EMCN: variants seen among roughly 807,000 people sequenced by gnomAD.
EMCN encodes endomucin.
Under a neutral mutation model 38.4 loss-of-function variants are expected in EMCN, and 37 were observed. The observed-to-expected ratio is 0.96, with a 90% confidence interval of 0.74 to 1.27. EMCN has a LOEUF of 1.27. Among genes scored for constraint, EMCN ranks in the 50% most tolerant of loss-of-function variants. The pLI is 0.00. For missense variants in EMCN, 318 were observed against 302.8 expected, an observed-to-expected ratio of 1.05 and a Z score of -0.37; for synonymous variants, 95 against 100.8, an observed-to-expected ratio of 0.94 and a Z score of 0.35.
At chr4:100,414,525 A>G (rs1228584600) in intron 10 of EMCN, among the ~76,000 whole-genome samples, 1 of 151,938 alleles carries the variant, frequency 6.6e-6, no homozygotes, top group Non-Finnish European at 1.5e-5. Context: ...GAGAGAAAGT[A>G]TAGTATGGGA....
chr4:100,504,312 G>T (rs910916822), intron 1 of EMCN, among the ~76,000 whole-genome samples: 1 of 152,208 alleles, frequency 6.6e-6, no homozygotes, highest in African/African-American at 2.4e-5. Flanking sequence ...ATGCCTTGAT[G>T]TAGGATCGGG....
chr4:100,463,536 A>C (rs970914316), intron 4 of EMCN, among the ~76,000 whole-genome samples: 6 of 152,182 alleles, frequency 3.9e-5, no homozygotes, highest in African/African-American at 1.2e-4. Context: ...TCATTTTAAG[A>C]ATACAAGTAA....
At chr4:100,458,918 G>A (rs1728091632) in intron 4 of EMCN, among the ~76,000 whole-genome samples, 2 of 151,938 alleles carry the variant, frequency 1.3e-5, no homozygotes, top group Admixed American at 6.6e-5. Context: ...TAAACATTTA[G>A]CCTTCCCCTG....
At chr4:100,516,170 A>G (rs546960639) in intron 1 of EMCN, among the ~76,000 whole-genome samples, 1 of 152,140 alleles carries the variant, frequency 6.6e-6, no homozygotes, top group South Asian at 2.1e-4. Flanking sequence ...GCTCATTACC[A>G]GTGAGCAAAA....
intron 1 of EMCN, among the ~76,000 whole-genome samples, chr4:100,484,309 C>T (rs1291580668): frequency 2.0e-5 from 3 of 152,072 alleles, no homozygotes; most frequent in Middle Eastern, 3.2e-3. Flanking sequence ...TAGTTGGAAA[C>T]TAAATATATT....
At chr4:100,505,732 C>G (rs3775364) in intron 1 of EMCN, among the ~76,000 whole-genome samples, 31,562 of 152,032 alleles carry the variant, frequency 0.21, 3,465 homozygotes, top group Middle Eastern at 0.31. Flanking sequence ...CCTCTCACTC[C>G]TCCCTTACTC....
At chr4:100,445,802 T>C (rs1727654682) in intron 5 of EMCN, among the ~76,000 whole-genome samples, 2 of 152,206 alleles carry the variant, frequency 1.3e-5, no homozygotes, top group African/African-American at 4.8e-5. Context: ...ATTTAGTCTT[T>C]AGCTGCAATT....
At chr4:100,406,873 A>T (rs1349293189) in intron 11 of EMCN, among the ~76,000 whole-genome samples, 2 of 152,096 alleles carry the variant, frequency 1.3e-5, no homozygotes, top group Admixed American at 6.6e-5. Flanking sequence ...GTCTCTTTGT[A>T]AGACTAAAAG....
At chr4:100,416,735 A>C (rs2110214023) in intron 9 of EMCN, among the ~76,000 whole-genome samples, 2 of 152,318 alleles carry the variant, frequency 1.3e-5, no homozygotes, top group South Asian at 4.1e-4. Context: ...GTCAAAGTAA[A>C]ACAGCCATCT....
chr4:100,452,087 G>A (rs1727853921), intron 4 of EMCN, among the ~76,000 whole-genome samples: 1 of 151,890 alleles, frequency 6.6e-6, no homozygotes, highest in Non-Finnish European at 1.5e-5. Context: ...TGATTGAAGT[G>A]CCAAATTTTT....
chr4:100,432,335 C>G (rs750502488), intron 5 of EMCN, among the ~76,000 whole-genome samples: 5 of 152,062 alleles, frequency 3.3e-5, no homozygotes, highest in Non-Finnish European at 7.4e-5. Flanking sequence ...AAAAATTACT[C>G]TATCCTCTGA....
At chr4:100,468,502 T>C (rs1227736186) in intron 3 of EMCN, among the ~76,000 whole-genome samples, 1 of 152,148 alleles carries the variant, frequency 6.6e-6, no homozygotes, top group Non-Finnish European at 1.5e-5. Context: ...TACAGCATTG[T>C]TTTATCTGAT....
rs1205559627 is a variant in EMCN at position 100,410,314 on chromosome 4, C to T, written c.*7G>A. The T allele has an allele frequency of 1.2e-6, 2 of 1,613,488 alleles. No individual in the cohort carries two copies. On this transcript the variant is annotated 3_prime_UTR_variant, in exon 11 of 12. Coordinates refer to ENST00000296420, the MANE Select transcript of EMCN (RefSeq NM_016242.4). ...TTGCCTAGGTGTGGAGAGAATTCCT[C>T]AAGCTGTCAGTTCTTGGTTTTTCCT... is the stretch of plus-strand genomic sequence containing the variant.
At chr4:100,455,299 C>A (rs1560622242) in intron 4 of EMCN, among the ~76,000 whole-genome samples, 1 of 152,022 alleles carries the variant, frequency 6.6e-6, no homozygotes, top group Non-Finnish European at 1.5e-5. Flanking sequence ...TATCTTTAAA[C>A]AATAAATTGT....
chr4:100,515,025 T>C (rs1427204507), intron 1 of EMCN, among the ~76,000 whole-genome samples: 4 of 152,104 alleles, frequency 2.6e-5, no homozygotes, highest in Non-Finnish European at 5.9e-5. Flanking sequence ...TCTTTCTTTT[T>C]CATGAAATTG....
chr4:100,413,389 T>A (rs1726620816), intron 10 of EMCN, among the ~76,000 whole-genome samples: 1 of 152,106 alleles, frequency 6.6e-6, no homozygotes, highest in Admixed American at 6.6e-5. Context: ...TACTTATTTT[T>A]TAGGAAAGAT....
chr4:100,502,557 T>C (rs1306308430), intron 1 of EMCN, among the ~76,000 whole-genome samples: 1 of 152,240 alleles, frequency 6.6e-6, no homozygotes, highest in Non-Finnish European at 1.5e-5. Context: ...TTTTGATTTT[T>C]TCTTTCCAAT....
At chr4:100,465,651 G>T in intron 3 of EMCN, 112 bp from the exon 4 acceptor site, 1 of 530,834 alleles carries the variant, frequency 1.9e-6, no homozygotes, top group Middle Eastern at 5.3e-4. Flanking sequence ...GAAGTCTTCT[G>T]ACTAAGCCTT....
At position 100,517,919 on chromosome 4, in the gene EMCN, C is replaced by A. The variant is rs1002379614; in HGVS notation, c.-5G>T. On this transcript the variant is annotated 5_prime_UTR_variant, in exon 1 of 12. Transcript: ENST00000296420. ...GGTCACTTGAAGCAGTTCCATGGTG[C>A]CCGTAGATGGTGTCAATATCTTCTT... is the stretch of plus-strand genomic sequence containing the variant. 6 of 1,612,276 alleles carry A rather than the reference C, an allele frequency of 3.7e-6. No homozygotes were observed. Among genetic ancestry groups the A allele is most frequent in the Non-Finnish European group, 4.2e-6 (5 of 1,178,820 alleles).
Sources: gnomAD v4.1 joint callset for allele counts (sites outside exome capture counted in the v4.1 genomes callset) on GRCh38, gnomAD v4.1.1 for gene constraint, MANE v1.5 for transcripts, NCBI Gene and HGNC (gene_info 2026-07-23, HGNC 2026-07-21) for gene names.